Variants in PCSK5 observed in about 807,000 individuals in gnomAD.
PCSK5 encodes prohormone convertase 5.
Under a neutral mutation model 233.2 loss-of-function variants are expected in PCSK5, and 129 were observed. The observed-to-expected ratio is 0.55, with a 90% CI of 0.48 to 0.64. PCSK5 has a LOEUF of 0.64. Among genes scored for constraint, PCSK5 ranks in the 30% least tolerant of loss-of-function variants. The pLI is 0.00. For synonymous variants in PCSK5, 825 were observed against 879.2 expected (o/e 0.94, Z 1.09); for missense variants, 2,076 against 2,430.1 (o/e 0.85, Z 3.06).
intron 3 of PCSK5, among the ~76,000 whole-genome samples, chr9:75,989,622 G>A (rs572784223): frequency 1.3e-5 from 2 of 152,182 alleles, no homozygotes; most frequent in African/African-American, 4.8e-5. Context: ...GGCTTGGTGA[G>A]AGCGGGAAGC....
chr9:75,929,040 A>C (rs1823652647), intron 1 of PCSK5, among the ~76,000 whole-genome samples: 2 of 152,150 alleles, frequency 1.3e-5, no homozygotes, highest in Admixed American at 1.3e-4. Flanking sequence ...GGTTTAAGCA[A>C]TTCTCCTACC....
At chr9:75,907,353 G>T (rs758920397) in intron 1 of PCSK5, among the ~76,000 whole-genome samples, 3 of 152,132 alleles carry the variant, frequency 2.0e-5, no homozygotes, top group Admixed American at 2.0e-4. Context: ...TGGAGAAAAA[G>T]TACAAAAAAT....
chr9:76,258,734 A>C (rs1827061060), intron 24 of PCSK5, among the ~76,000 whole-genome samples: 1 of 152,248 alleles, frequency 6.6e-6, no homozygotes, highest in African/African-American at 2.4e-5. Flanking sequence ...TGCTCGGCAA[A>C]GGAGCAACTG....
At chr9:76,199,397 ACGTC>A (rs1824826073) in intron 20 of PCSK5, among the ~76,000 whole-genome samples, 1 of 152,214 alleles carries the variant, frequency 6.6e-6, no homozygotes, top group Admixed American at 6.5e-5. Context: ...ATTGACCAAA[ACGTC>A]ATTATATGGT....
At chr9:76,211,424 T>C (rs1250841686) in intron 20 of PCSK5, among the ~76,000 whole-genome samples, 1 of 152,242 alleles carries the variant, frequency 6.6e-6, no homozygotes, top group Non-Finnish European at 1.5e-5. Flanking sequence ...GGGCAAGCTG[T>C]AGAAACTCTA....
chr9:76,189,795 CT>C (rs746720831), intron 20 of PCSK5, 49 bp downstream of exon 20: 3 of 990,120 alleles, frequency 3.0e-6, no homozygotes, highest in Non-Finnish European at 4.8e-6. Context: ...TATGATCTTT[CT>C]ACTTTCAGGA....
At position 76,308,635 on chromosome 9, in the gene PCSK5, T is replaced by C; in HGVS notation, c.3605-10T>C. On this transcript the variant is annotated splice_polypyrimidine_tract_variant and intron_variant, in intron 28 of 37. Coordinates refer to ENST00000674117, the MANE Select transcript of PCSK5 (RefSeq NM_001372043.1). ...GGAGAAGCCTGAACTGTTGTTTCTT[T>C]CTCATACAGATATTTTGAGAAAACT... 2 of 1,543,514 alleles carry C rather than the reference T, an allele frequency of 1.3e-6. No homozygotes were observed.
chr9:76,259,232 T>C (rs1331020030), intron 24 of PCSK5, among the ~76,000 whole-genome samples: 1 of 152,140 alleles, frequency 6.6e-6, no homozygotes, highest in East Asian at 1.9e-4. Context: ...CTACCTCTTG[T>C]TCCTCACCTC....
chr9:75,935,349 G>A (rs2131289699), intron 2 of PCSK5, among the ~76,000 whole-genome samples: 1 of 152,322 alleles, frequency 6.6e-6, no homozygotes, highest in South Asian at 2.1e-4. Context: ...TTACAGGCGT[G>A]AGCCACTGAG....
Position 76,173,495 on chromosome 9 carries a change from CCTTTTTTTTTTTTTTTTTT to C in PCSK5, c.1757-1490_1757-1472del, listed in dbSNP as rs1355949824. Among the ~76,000 whole-genome samples the C allele has an allele frequency of 3.8e-4, 13 of 34,580 alleles. 2 individuals are homozygous for C. Among genetic ancestry groups the C allele is most frequent in the Admixed American group, 3.1e-3 (10 of 3,202 alleles). 22.7% of individuals were successfully genotyped at this position (34,580 alleles called of 152,430 possible). ...ACTTTAATGAAATGGAGGCACGTTT[CCTTTTTTTTTTTTTTTTTT>C]TTTTTTTTTTTTTTTTTTACTTTTT... On this transcript the variant is annotated intron_variant, in intron 13 of 37. Transcript: ENST00000674117.
intron 24 of PCSK5, among the ~76,000 whole-genome samples, chr9:76,288,830 G>A (rs980714621): frequency 3.9e-5 from 6 of 152,148 alleles, no homozygotes; most frequent in South Asian, 2.1e-4. Flanking sequence ...TTCTCTAGAC[G>A]TTCAAGTTTA....
chr9:76,208,352 A>T (rs1045037851), intron 20 of PCSK5, among the ~76,000 whole-genome samples: 3 of 152,178 alleles, frequency 2.0e-5, no homozygotes, highest in Admixed American at 6.5e-5. Context: ...TCCAGGAGCC[A>T]CTGCAAAGTT....
At chr9:76,054,167 C>A (rs923285312) in intron 5 of PCSK5, among the ~76,000 whole-genome samples, 23 of 152,162 alleles carry the variant, frequency 1.5e-4, no homozygotes, top group African/African-American at 5.3e-4. Flanking sequence ...ATTCAATTAC[C>A]TCCCAACTGG....
chr9:76,224,662 C>T (rs988639418), intron 20 of PCSK5, among the ~76,000 whole-genome samples: 1 of 152,128 alleles, frequency 6.6e-6, no homozygotes, highest in Non-Finnish European at 1.5e-5. Flanking sequence ...TATTTAAAAT[C>T]TTGGAGATGG....
At chr9:76,178,432 T>A (rs1323877578) in intron 14 of PCSK5, among the ~76,000 whole-genome samples, 1 of 152,156 alleles carries the variant, frequency 6.6e-6, no homozygotes, top group African/African-American at 2.4e-5. Flanking sequence ...GTTGATCCCC[T>A]CTCCTCACCA....
chr9:76,063,319 C>CTTTTTTTTT (rs1157596601), intron 5 of PCSK5, among the ~76,000 whole-genome samples: 96 of 59,722 alleles, frequency 1.6e-3, no homozygotes, highest in East Asian at 3.3e-3. Context: ...TTTCTTTTTT[C>CTTTTTTTTT]TTTTTTTTTT....
chr9:75,977,628 T>A (rs1826081718), intron 2 of PCSK5, among the ~76,000 whole-genome samples: 2 of 150,628 alleles, frequency 1.3e-5, no homozygotes, highest in Admixed American at 1.3e-4. Context: ...CTTTTTTTTT[T>A]AAGACAGAGT....
intron 1 of PCSK5, among the ~76,000 whole-genome samples, chr9:75,898,305 G>T (rs1018622912): frequency 1.3e-5 from 2 of 152,168 alleles, no homozygotes; most frequent in Non-Finnish European, 2.9e-5. Flanking sequence ...ATGATTGTGG[G>T]CCTGTCCAGC....
At chr9:76,321,051 T>A (rs913510734) in intron 30 of PCSK5, among the ~76,000 whole-genome samples, 2 of 151,980 alleles carry the variant, frequency 1.3e-5, no homozygotes, top group African/African-American at 4.8e-5. Context: ...CCTGACCTGA[T>A]GACCTGCCCA....
Sources: allele counts gnomAD v4.1 joint callset (sites outside exome capture counted in the v4.1 genomes callset), GRCh38; gene constraint gnomAD v4.1.1; transcripts MANE v1.5; gene names NCBI Gene and HGNC (gene_info 2026-07-23, HGNC 2026-07-21).